The following POLB variants were observed in gnomAD, a reference collection of about 807,000 sequenced individuals.
POLB encodes the protein 5'-dRP lyase.
In POLB, 37 loss-of-function variants were observed where a neutral mutation model predicts 52.7. That is an observed-to-expected ratio of 0.70 (90% CI 0.54 to 0.92). POLB has a LOEUF of 0.92. Ranked by LOEUF, POLB falls within the 40% of genes least tolerant of loss-of-function variation. POLB has a pLI of 0.00. For missense variants in POLB, 313 were observed against 400.8 expected (o/e 0.78, Z 1.87); for synonymous variants, 138 against 131.3 (o/e 1.05, Z -0.35).
chr8:42,352,436 C>A, intron 5 of POLB, 83 bp from the exon 6 acceptor site: 1 of 859,986 alleles, frequency 1.2e-6, no homozygotes, highest in Non-Finnish European at 2.0e-6. Flanking sequence ...AGCTTAATAG[C>A]AGCTCTTCTT....
In POLB at chr8:42,354,567, GAC is replaced by G. The variant is rs539907669; in HGVS notation, c.371-945_371-944del. 614 of 762,664 alleles carry G rather than the reference GAC, an allele frequency of 8.1e-4. 9 individuals are homozygous for G. Among genetic ancestry groups the G allele is most frequent in the African/African-American group, 2.6e-3 (146 of 55,916 alleles). 47.2% of individuals were successfully genotyped at this position (762,664 alleles called of 1,614,324 possible). A position where few individuals can be genotyped will look rare whatever the true frequency, so the allele number is the denominator to read the frequency against. ...TCAATGGAATTTTTTTTTGTTTTGA[GAC>G]ACAGTCTTGCTCTGTCTGCCCAGAA... On this transcript the variant is annotated intron_variant, in intron 6 of 13. Transcript: ENST00000265421.
intron 10 of POLB, 142 bp downstream of exon 10, chr8:42,361,507 T>C (rs762341565): frequency 3.4e-5 from 22 of 641,722 alleles, no homozygotes; most frequent in Non-Finnish European, 5.6e-5. Flanking sequence ...GATTGAATTC[T>C]GCGAAAGGCA....
chr8:42,352,696 T>C, intron 6 of POLB, 128 bp downstream of exon 6: 1 of 688,156 alleles, frequency 1.5e-6, no homozygotes, highest in Non-Finnish European at 2.6e-6. Context: ...ATTTTCTTTT[T>C]AACTCTGTAG....
At chr8:42,338,812 G>T (rs1822012174) in intron 1 of POLB, 127 bp downstream of exon 1, 8 of 1,054,376 alleles carry the variant, frequency 7.6e-6, no homozygotes, top group Non-Finnish European at 1.2e-5. Flanking sequence ...GTCTTCCGTG[G>T]GGATCTCCCT....
At chr8:42,367,172 G>GA (rs1824092517) in intron 11 of POLB, among the ~76,000 whole-genome samples, 2 of 152,198 alleles carry the variant, frequency 1.3e-5, no homozygotes, top group Admixed American at 1.3e-4. Context: ...CGAAGCTTGG[G>GA]ATGTATCCAT....
Position 42,338,529 on chromosome 8 carries a change from C to T in POLB, c.-96C>T, listed in dbSNP as rs961115341. On this transcript the variant is annotated 5_prime_UTR_variant, in exon 1 of 14. Coordinates refer to ENST00000265421, the MANE Select transcript of POLB (RefSeq NM_002690.3). ...CGGTCGCGCCGGAGCTGGGTTGCTC[C>T]TGCTCCCGTCTCCAAGTCCTGGTAC... The T allele has an allele frequency of 1.8e-6, 2 of 1,127,216 alleles. No homozygotes were observed. Among genetic ancestry groups the T allele is most frequent in the Admixed American group, 1.7e-5 (1 of 57,882 alleles). 69.8% of individuals were successfully genotyped at this position (1,127,216 alleles called of 1,614,324 possible).
Position 42,344,134 on chromosome 8 carries a change from C to CA in POLB, c.120-794dup, listed in dbSNP as rs34085444. On this transcript the variant is annotated intron_variant, in intron 2 of 13. Transcript: ENST00000265421. Reference sequence around the variant, plus strand: ...CGACAGACTGGGCGAGACTCCGTCTCAAAAAAAAAAAAAAAAAAAAAAAAA... The same window carrying CA: ...CGACAGACTGGGCGAGACTCCGTCTCAAAAAAAAAAAAAAAAAAAAAAAAAA... Among the ~76,000 whole-genome samples the CA allele has an allele frequency of 6.4e-4, 38 of 59,020 alleles. 1 individual carries two copies. The highest frequency in any genetic ancestry group is 1.2e-3 in the African/African-American group (20 of 16,186). The allele number at this position is 59,020 out of a possible 152,430, so 38.7% of individuals were successfully genotyped here. A position where few individuals can be genotyped will look rare whatever the true frequency, so the allele number is the denominator to read the frequency against.
At chr8:42,357,516 T>C (rs1280873698) in intron 9 of POLB, 124 bp downstream of exon 9, 1 of 606,258 alleles carries the variant, frequency 1.6e-6, no homozygotes, top group Non-Finnish European at 2.9e-6. Context: ...GACCTAGTAG[T>C]ATTAGTTAAG....
chr8:42,341,785 C>G (rs562373472), intron 2 of POLB: 5 of 489,410 alleles, frequency 1.0e-5, no homozygotes, highest in African/African-American at 8.0e-5. Context: ...CTGCAGCCCC[C>G]TCCTGAGCCG....
chr8:42,371,646 C>G lies in POLB; in HGVS notation c.997C>G (p.Arg333Gly). Residue 333 changes from arginine to glycine, a missense_variant, in exon 14 of 14, where the codon CGG becomes GGG. By Grantham distance (125) the Arg-to-Gly change is moderately radical (BLOSUM62 -2). This residue lies in a region of POLB where 246 missense variants were observed against 297.6 expected (regional missense o/e 0.83). Transcript: ENST00000265421. ...GTGGAAATACCGGGAACCCAAGGAC[C>G]GGAGCGAATGAGGCCTGTATCCTCC... ...IQWKYREPKD[R>G]SE 1 of 1,605,146 alleles carries G rather than the reference C, an allele frequency of 6.2e-7. No individual in the cohort carries two copies. Among genetic ancestry groups the G allele is most frequent in the Non-Finnish European group, 8.5e-7 (1 of 1,172,060 alleles).
intron 11 of POLB, among the ~76,000 whole-genome samples, chr8:42,367,282 G>A (rs774852637): frequency 8.5e-5 from 13 of 152,316 alleles, no homozygotes; most frequent in Non-Finnish European, 1.5e-4. Context: ...TGGGTAGTAA[G>A]TGTTATTTTT....
chr8:42,369,815 G>A (rs779740131), intron 12 of POLB, 34 bp from the exon 13 acceptor site: 4 of 1,481,656 alleles, frequency 2.7e-6, no homozygotes, highest in Non-Finnish European at 2.7e-6. Flanking sequence ...GAAATGCATG[G>A]TAAAAAAATG....
chr8:42,356,175 A>C (rs1220138993), intron 7 of POLB, among the ~76,000 whole-genome samples: 2 of 152,208 alleles, frequency 1.3e-5, no homozygotes. Context: ...GTTGTGAGTG[A>C]TTCAGTCCTA....
intron 9 of POLB, chr8:42,360,953 G>A (rs563778229): frequency 2.7e-6 from 1 of 376,942 alleles, no homozygotes; most frequent in East Asian, 6.8e-5. Context: ...TACATATAGA[G>A]TTGTTCATAG....
rs1462998740 is a variant in POLB at position 42,338,579 on chromosome 8, T to G, written c.-46T>G. ...CCTCCTTCAAGCTGGGAGAGGGCTCTAGTCCCTGGTTCTGAACACTCTGGG... is the reference window on the plus strand; with the variant it reads ...CCTCCTTCAAGCTGGGAGAGGGCTCGAGTCCCTGGTTCTGAACACTCTGGG... On this transcript the variant is annotated 5_prime_UTR_variant, in exon 1 of 14. Coordinates refer to ENST00000265421, the MANE Select transcript of POLB (RefSeq NM_002690.3). The G allele has an allele frequency of 6.4e-7, 1 of 1,561,490 alleles. No homozygotes were observed. Among genetic ancestry groups the G allele is most frequent in the Admixed American group, 1.7e-5 (1 of 59,942 alleles).
intron 11 of POLB, among the ~76,000 whole-genome samples, chr8:42,367,577 C>T (rs1225774515): frequency 6.6e-6 from 1 of 152,154 alleles, no homozygotes; most frequent in African/African-American, 2.4e-5. Context: ...ATTCTCATTC[C>T]ATATCCCCTT....
intron 2 of POLB, chr8:42,342,737 G>A (rs571392148): frequency 9.2e-5 from 34 of 370,006 alleles, no homozygotes; most frequent in African/African-American, 6.4e-4. Flanking sequence ...GCTCACGTCT[G>A]TAATCCCACC....
At chr8:42,338,712 C>T in intron 1 of POLB, 27 bp downstream of exon 1, 2 of 1,604,664 alleles carry the variant, frequency 1.2e-6, no homozygotes, top group African/African-American at 1.3e-5. Flanking sequence ...GCCCCGCTGG[C>T]TTTCTTCTTT....
intron 5 of POLB, among the ~76,000 whole-genome samples, chr8:42,351,417 A>G (rs191616829): frequency 7.2e-4 from 110 of 152,312 alleles, no homozygotes; most frequent in Middle Eastern, 6.8e-3. Flanking sequence ...CTGTGGCCCC[A>G]GACTATTGTG....
Sources: allele counts gnomAD v4.1 joint callset (sites outside exome capture counted in the v4.1 genomes callset), GRCh38; gene constraint gnomAD v4.1.1; regional missense constraint gnomAD v4.1.1; transcripts MANE v1.5; gene names NCBI Gene and HGNC (gene_info 2026-07-23, HGNC 2026-07-21).